The following VARS1 variants were observed in gnomAD, a reference collection of about 807,000 sequenced individuals.
VARS1 encodes the protein valyl-tRNA synthetase 1.
VARS1 carries 92 observed loss-of-function variants against 161.0 expected under a neutral mutation model. The observed-to-expected ratio is 0.57, with a 90% CI of 0.48 to 0.68. The LOEUF (loss-of-function observed/expected upper bound fraction) is 0.68. Ranked by LOEUF, VARS1 falls within the 30% of genes least tolerant of loss-of-function variation. VARS1 has a pLI of 0.00. For missense variants in VARS1, 1,338 were observed against 1,695.9 expected (o/e 0.79, Z 3.71); for synonymous variants, 595 against 682.5 (o/e 0.87, Z 2.00).
rs778475659 is a variant in VARS1, at chr6:31,780,116, C to T, written c.2963G>A (p.Arg988His). 9.3e-6 allele frequency: 15 copies of T among 1,613,876 alleles called. No individual in the cohort carries two copies. Among genetic ancestry groups the T allele is most frequent in the South Asian group, 2.2e-5 (2 of 91,092 alleles). Residue 988 changes from arginine (R) to histidine (H), a missense_variant, in exon 26 of 30, where the codon CGC (arginine) becomes CAC (histidine). Physicochemically the swap from Arg to His is conservative, Grantham distance 29. Transcript: ENST00000375663. This position sits in a 1 kb window ranked among gnomAD's most constrained non-coding sequence, Gnocchi z 5.1. ...GHESLVDRWI[R>H]SRLTEAVRLS... ...CCTCACAGCCTCTGTCAGGCGGCTGCGGATCCAGCGGTCCACCAGGCTCTC... is the reference window on the plus strand; with the variant it reads ...CCTCACAGCCTCTGTCAGGCGGCTGTGGATCCAGCGGTCCACCAGGCTCTC...
rs1581645904 is a variant in VARS1 at position 31,785,252 on chromosome 6, C to A, written c.1341G>T (p.Met447Ile). ...TGACACTCCTCCCACGCACAGGGTCCATGGTGAAACAGGCTCGATCCCAGT... is the reference window on the plus strand; with the variant it reads ...TGACACTCCTCCCACGCACAGGGTCAATGGTGAAACAGGCTCGATCCCAGT... ...SLDWDRACFTMDPKLSAAVTE... is the reference protein window; with the variant it reads ...SLDWDRACFTIDPKLSAAVTE... The change falls in exon 10 of 30, where the codon ATG (methionine) becomes ATT (isoleucine). Residue 447 changes from methionine (M) to isoleucine (I), a missense_variant. Physicochemically the swap from Met to Ile is conservative, Grantham distance 10 (BLOSUM62 1). Around this residue, in one of 3 missense-constraint regions of VARS1, gnomAD observed 902 missense variants for 1,090.3 expected, o/e 0.83. Coordinates refer to ENST00000375663, the MANE Select transcript of VARS1 (RefSeq NM_006295.3). The surrounding 1 kb of genome is among the most constrained non-coding windows in gnomAD (Gnocchi z 6.1). 1 of 1,613,086 alleles carries A rather than the reference C, an allele frequency of 6.2e-7. No homozygotes were observed. The highest frequency in any genetic ancestry group is 1.3e-5 in the African/African-American group (1 of 75,060).
rs1409328480 is a variant in VARS1 at position 31,785,458 on chromosome 6, C to T, written c.1265+111G>A. 1 of 1,526,600 alleles carries T rather than the reference C, an allele frequency of 6.6e-7. No individual in the cohort carries two copies. Among genetic ancestry groups the T allele is most frequent in the East Asian group, 2.4e-5 (1 of 41,924 alleles). The allele number at this position is 1,526,600 out of a possible 1,614,324, so 94.6% of individuals were successfully genotyped here. ...GGGCCCTAGAGCCAACTGACTCTGC[C>T]TCTGTGGGAGGGTCTGACCCTGTGG... is the stretch of plus-strand genomic sequence containing the variant. On this transcript the variant is annotated intron_variant, in intron 9 of 29. Coordinates refer to ENST00000375663, the MANE Select transcript of VARS1 (RefSeq NM_006295.3). This position sits in a 1 kb window ranked among gnomAD's most constrained non-coding sequence, Gnocchi z 6.1.
intron 8 of VARS1, among the ~76,000 whole-genome samples, chr6:31,786,826 A>G (rs186241198): frequency 5.9e-5 from 9 of 152,246 alleles, no homozygotes; most frequent in Admixed American, 2.0e-4. Flanking sequence ...GGCACTTCCT[A>G]TCAGTAAAAT....
chr6:31,781,279 C>T lies in VARS1; in HGVS notation c.2545-156G>A. The T allele has an allele frequency of 5.1e-6, 6 of 1,167,558 alleles. No individual in the cohort carries two copies. Among genetic ancestry groups the T allele is most frequent in the Non-Finnish European group, 7.2e-6 (6 of 830,632 alleles). The allele number at this position is 1,167,558 out of a possible 1,614,324, so 72.3% of individuals were successfully genotyped here. On this transcript the variant is annotated intron_variant, in intron 21 of 29. Transcript: ENST00000375663. The surrounding 1 kb of genome is among the most constrained non-coding windows in gnomAD (Gnocchi z 6.8). ...TGAGCGCCTTTATGTGAATCAGAAG[C>T]ACTCCTTCCTCTGGGAAGATGAAGC... is the stretch of plus-strand genomic sequence containing the variant.
Position 31,783,157 on chromosome 6 carries a change from T to G in VARS1, c.1701A>C (p.Pro567=). The change falls in exon 14 of 30, where the codon CCA becomes CCC. Residue 567 remains proline (P), a synonymous_variant. Coordinates refer to ENST00000375663, the MANE Select transcript of VARS1 (RefSeq NM_006295.3). ...CAATGGGAAGGCTCCGAGACAGGAA[T>G]GGGTGGATCACGTTCTTCCCCTTCA... ...QHLKGKNVIH[P]FLSRSLPIVF... is the part of the protein sequence containing the mutation. The G allele has an allele frequency of 6.2e-7, 1 of 1,612,528 alleles. No individual in the cohort carries two copies. Among genetic ancestry groups the G allele is most frequent in the South Asian group, 1.1e-5 (1 of 90,980 alleles).
At position 31,793,048 on chromosome 6, in the gene VARS1, CG is replaced by C. The variant is rs752261045; in HGVS notation, c.459del (p.Glu155ArgfsTer22). ...AGGTCAGCCAGAGTGGGGGCCTCCC[CG>C]GCCAAGTAGGTGTGCAGCCGAAGCC... ...EEWLRLHTYL[A>X]GEAPTLADLA... On this transcript the variant is annotated frameshift_variant, in exon 3 of 30. Coordinates refer to ENST00000375663, the MANE Select transcript of VARS1 (RefSeq NM_006295.3). LOFTEE classifies it high-confidence loss of function. The C allele has an allele frequency of 6.2e-7, 1 of 1,613,032 alleles. No homozygotes were observed.
Position 31,778,734 on chromosome 6 carries a change from TG to T in VARS1, c.3726+232del. On this transcript the variant is annotated intron_variant, in intron 29 of 29. Transcript: ENST00000375663. The surrounding 1 kb of genome is among the most constrained non-coding windows in gnomAD (Gnocchi z 5.1). ...ACCATGTTGGCTGGTCTCAAACCCCTGGGCTCAAGTGATCCACCCACCTTGG... is the reference window on the plus strand; with the variant it reads ...ACCATGTTGGCTGGTCTCAAACCCCTGGCTCAAGTGATCCACCCACCTTGG... 1 of 594,590 alleles carries T rather than the reference TG, an allele frequency of 1.7e-6. No individual in the cohort carries two copies. Among genetic ancestry groups the T allele is most frequent in the Non-Finnish European group, 2.9e-6 (1 of 341,096 alleles). 36.8% of individuals were successfully genotyped at this position (594,590 alleles called of 1,614,324 possible).
Position 31,791,920 on chromosome 6 carries a change from G to A in VARS1, c.923C>T (p.Ala308Val), listed in dbSNP as rs1227653790. 3 of 1,606,212 alleles carry A rather than the reference G, an allele frequency of 1.9e-6. No individual in the cohort carries two copies. The highest frequency in any genetic ancestry group is 2.6e-6 in the Non-Finnish European group (3 of 1,175,750). The change falls in exon 7 of 30, where the codon GCC becomes GTC. Residue 308 changes from alanine to valine, a missense_variant. Ala to Val is a moderately conservative substitution (Grantham distance 64, BLOSUM62 0). Coordinates refer to ENST00000375663, the MANE Select transcript of VARS1 (RefSeq NM_006295.3). The surrounding 1 kb of genome is among the most constrained non-coding windows in gnomAD (Gnocchi z 5.0). Reference protein sequence around the residue: ...DSYSPRYVEAAWYPWWEQQGF... With the variant: ...DSYSPRYVEAVWYPWWEQQGF... ...CTGCTGCTCCCACCAAGGGTACCAG[G>A]CAGCCTCCACATACCGAGGGCTGTA...
chr6:31,784,623 G>A lies in VARS1; in HGVS notation c.1439C>T (p.Thr480Ile). 1 of 1,613,202 alleles carries A rather than the reference G, an allele frequency of 6.2e-7. No homozygotes were observed. Among genetic ancestry groups the A allele is most frequent in the Non-Finnish European group, 8.5e-7 (1 of 1,180,042 alleles). ...AATGTCAGAGATGGCGGAGTTGAGGGTGCAGGACCAGTTAACAAGGCGGGT... is the reference window on the plus strand; with the variant it reads ...AATGTCAGAGATGGCGGAGTTGAGGATGCAGGACCAGTTAACAAGGCGGGT... Reference protein sequence around the residue: ...RSTRLVNWSCTLNSAISDIEV... With the variant: ...RSTRLVNWSCILNSAISDIEV... The change falls in exon 11 of 30, where the codon ACC (threonine) becomes ATC (isoleucine). Residue 480 changes from threonine to isoleucine, a missense_variant. By Grantham distance (89) the Thr-to-Ile change is moderately conservative. This residue lies in a region of VARS1 where 902 missense variants were observed against 1,090.3 expected (regional missense o/e 0.83). Transcript: ENST00000375663. This position sits in a 1 kb window ranked among gnomAD's most constrained non-coding sequence, Gnocchi z 6.1.
chr6:31,782,744 T>C lies in VARS1; in HGVS notation c.1864A>G (p.Ile622Val). 6.2e-7 allele frequency: 1 copy of C among 1,613,028 alleles called. No homozygotes were observed. Among genetic ancestry groups the C allele is most frequent in the Non-Finnish European group, 8.5e-7 (1 of 1,180,008 alleles). ...ACCAGGAAAGGCGGAGGCACATTGA[T>C]GAGGGCCCCCCGGGAGTCCATGATG... ...ISIMDSRGAL[I>V]NVPPPFLGLP... is the part of the protein sequence containing the mutation. Residue 622 changes from isoleucine (I) to valine (V), a missense_variant, in exon 15 of 30, where the codon ATC (isoleucine) becomes GTC (valine). Ile to Val is a conservative substitution (Grantham distance 29). This residue lies in a region of VARS1 where 902 missense variants were observed against 1,090.3 expected (regional missense o/e 0.83). Coordinates refer to ENST00000375663, the MANE Select transcript of VARS1 (RefSeq NM_006295.3). This position sits in a 1 kb window ranked among gnomAD's most constrained non-coding sequence, Gnocchi z 8.3.
chr6:31,782,228 C>G lies in VARS1; in HGVS notation c.2151-51G>C. Reference sequence around the variant, plus strand: ...AGGGAGGGCCTGATGGAGCCTGGCCCGAGTGAGCCCTGCTCAGCCCTCGGC... The same window carrying G: ...AGGGAGGGCCTGATGGAGCCTGGCCGGAGTGAGCCCTGCTCAGCCCTCGGC... On this transcript the variant is annotated intron_variant, in intron 17 of 29. Coordinates refer to ENST00000375663, the MANE Select transcript of VARS1 (RefSeq NM_006295.3). This position sits in a 1 kb window ranked among gnomAD's most constrained non-coding sequence, Gnocchi z 8.3. The G allele has an allele frequency of 1.2e-6, 2 of 1,611,128 alleles. No homozygotes were observed. The highest frequency in any genetic ancestry group is 1.7e-6 in the Non-Finnish European group (2 of 1,178,496).
Position 31,782,749 on chromosome 6 carries a change from G to A in VARS1, c.1859C>T (p.Ala620Val). The A allele has an allele frequency of 6.2e-7, 1 of 1,612,970 alleles. No individual in the cohort carries two copies. Among genetic ancestry groups the A allele is most frequent in the South Asian group, 1.1e-5 (1 of 91,070 alleles). Residue 620 changes from alanine (A) to valine (V), a missense_variant, in exon 15 of 30, where the codon GCC becomes GTC. This residue lies in a region of VARS1 where 902 missense variants were observed against 1,090.3 expected (regional missense o/e 0.83). Coordinates refer to ENST00000375663, the MANE Select transcript of VARS1 (RefSeq NM_006295.3). The surrounding 1 kb of genome is among the most constrained non-coding windows in gnomAD (Gnocchi z 8.3). ...EAISIMDSRG[A>V]LINVPPPFLG... Reference sequence around the variant, plus strand: ...GAAAGGCGGAGGCACATTGATGAGGGCCCCCCGGGAGTCCATGATGCTGAT... The same window carrying A: ...GAAAGGCGGAGGCACATTGATGAGGACCCCCCGGGAGTCCATGATGCTGAT...
At chr6:31,783,692 C>T (rs1434437643) in intron 13 of VARS1, among the ~76,000 whole-genome samples, 5 of 145,614 alleles carry the variant, frequency 3.4e-5, no homozygotes, top group South Asian at 4.3e-4. Flanking sequence ...GACGGAGTCT[C>T]GCTCTGTCAC....
Position 31,785,306 on chromosome 6 carries a change from G to T in VARS1, c.1287C>A (p.His429Gln). The T allele has an allele frequency of 6.2e-7, 1 of 1,613,074 alleles. No individual in the cohort carries two copies. Among genetic ancestry groups the T allele is most frequent in the Non-Finnish European group, 8.5e-7 (1 of 1,180,022 alleles). The change falls in exon 10 of 30, where the codon CAC (histidine) becomes CAA (glutamine). Residue 429 changes from histidine to glutamine, a missense_variant. This residue lies in a region of VARS1 where 902 missense variants were observed against 1,090.3 expected (regional missense o/e 0.83). Transcript: ENST00000375663. The surrounding 1 kb of genome is among the most constrained non-coding windows in gnomAD (Gnocchi z 6.1). Reference sequence around the variant, plus strand: ...AGGAGCTGCCAAGCTTCTTCAACTGGTGGTAAATCCGGTCACCTTTCCTGG... The same window carrying T: ...AGGAGCTGCCAAGCTTCTTCAACTGTTGGTAAATCCGGTCACCTTTCCTGG... ...WKEEKGDRIY[H>Q]QLKKLGSSLD...
chr6:31,777,751 G>A lies in VARS1; in HGVS notation c.3727-89C>T, dbSNP rs1393871433. On this transcript the variant is annotated intron_variant, in intron 29 of 29. Coordinates refer to ENST00000375663, the MANE Select transcript of VARS1 (RefSeq NM_006295.3). This position sits in a 1 kb window ranked among gnomAD's most constrained non-coding sequence, Gnocchi z 5.8. ...GGACAACAAAGTTGGAAAGATGAGC[G>A]AGGACCATGGGAGGTCAGTAGCTCA... is the stretch of plus-strand genomic sequence containing the variant. 6.1e-6 allele frequency: 9 copies of A among 1,481,332 alleles called. No homozygotes were observed. In the East Asian group the frequency reaches 7.3e-5, roughly 12 times the overall value. The allele number at this position is 1,481,332 out of a possible 1,614,324, so 91.8% of individuals were successfully genotyped here.
chr6:31,782,630 G>A lies in VARS1; in HGVS notation c.1891C>T (p.Leu631=). The part of the protein sequence containing the change: ...LINVPPPFLG[L]PRFEARKAVL... ...GCTTTCCTGGCCTCAAACCTGGGCA[G>A]GCCCTGGGTAGGAATGAGGCCTCAT... Residue 631 remains leucine, a synonymous_variant, in exon 16 of 30, where the codon CTG becomes TTG. Coordinates refer to ENST00000375663, the MANE Select transcript of VARS1 (RefSeq NM_006295.3). This position sits in a 1 kb window ranked among gnomAD's most constrained non-coding sequence, Gnocchi z 8.3. The A allele has an allele frequency of 6.2e-7, 1 of 1,613,106 alleles. No individual in the cohort carries two copies. The highest frequency in any genetic ancestry group is 8.5e-7 in the Non-Finnish European group (1 of 1,180,032).
Position 31,780,859 on chromosome 6 carries a change from A to T in VARS1, c.2718+11T>A. 1 of 1,614,070 alleles carries T rather than the reference A, an allele frequency of 6.2e-7. No individual in the cohort carries two copies. The highest frequency in any genetic ancestry group is 8.5e-7 in the Non-Finnish European group (1 of 1,179,998). ...CTGTGCTCCTGCTTAGCCCAGCCCA[A>T]CCCTCCATACCTGCCCTTCTTTGGC... On this transcript the variant is annotated intron_variant, in intron 23 of 29. Coordinates refer to ENST00000375663, the MANE Select transcript of VARS1 (RefSeq NM_006295.3). This position sits in a 1 kb window ranked among gnomAD's most constrained non-coding sequence, Gnocchi z 5.1.
chr6:31,786,548 C>T (rs1813518696), intron 8 of VARS1, among the ~76,000 whole-genome samples: 1 of 151,400 alleles, frequency 6.6e-6, no homozygotes, highest in South Asian at 2.1e-4. Context: ...TACCTGTAAT[C>T]CCAGCTACTT....
rs190227457 is a variant in VARS1, at chr6:31,779,264, C to T, written c.3429G>A (p.Thr1143=). 5,505 of 1,603,722 alleles carry T rather than the reference C, an allele frequency of 3.4e-3. 53 individuals are homozygous for T. Among genetic ancestry groups the T allele is most frequent in the African/African-American group, 0.018 (1,379 of 75,040 alleles). The change falls in exon 29 of 30, where the codon ACG becomes ACA. Residue 1143 remains threonine, a synonymous_variant. Coordinates refer to ENST00000375663, the MANE Select transcript of VARS1 (RefSeq NM_006295.3). The surrounding 1 kb of genome is among the most constrained non-coding windows in gnomAD (Gnocchi z 9.1). ...DCFLEVADEA[T]GALASAVSGY... ...CCGACACCGCCGATGCCAGGGCGCC[C>T]GTGGCCTCATCCGCCACTTCCAGGA...
Sources: gnomAD v4.1 joint callset for allele counts (sites outside exome capture counted in the v4.1 genomes callset) on GRCh38, gnomAD v4.1.1 for gene constraint, gnomAD v4.1.1 regional missense constraint, Gnocchi (gnomAD v3.1) non-coding constraint, MANE v1.5 for transcripts, NCBI Gene and HGNC (gene_info 2026-07-23, HGNC 2026-07-21) for gene names.